CCSER1: variants seen among roughly 807,000 people sequenced by gnomAD.
The protein encoded by CCSER1 is coiled-coil serine rich protein 1, also known as serine-rich coiled-coil domain-containing protein 1.
A neutral mutation model predicts 82.0 loss-of-function variants in CCSER1; 41 were observed. The ratio of observed to expected loss-of-function variants is 0.50; its 90% confidence interval spans 0.39 to 0.65. CCSER1 has a LOEUF of 0.65. CCSER1 is among the 30% of genes least tolerant of loss of function. The probability of loss-of-function intolerance (pLI) is 0.00; values close to 1 mark genes in which losing one functional copy is unlikely to be tolerated. For synonymous variants in CCSER1, 414 were observed against 383.9 expected (o/e 1.08, Z -0.92); for missense variants, 1,119 against 1,064.2 (o/e 1.05, Z -0.72).
chr4:91,077,979 G>T (rs980041246), intron 9 of CCSER1, among the ~76,000 whole-genome samples: 33 of 152,224 alleles, frequency 2.2e-4, no homozygotes, highest in Non-Finnish European at 4.3e-4. Flanking sequence ...ACAGCTCAAG[G>T]AGGCCCGCCT....
At chr4:90,212,282 C>CA in intron 1 of CCSER1, among the ~76,000 whole-genome samples, 1 of 152,176 alleles carries the variant, frequency 6.6e-6, no homozygotes. Context: ...ACCCAATATA[C>CA]AAATTGGTTT....
At chr4:90,641,690 C>A (rs930574901) in intron 6 of CCSER1, among the ~76,000 whole-genome samples, 1 of 152,078 alleles carries the variant, frequency 6.6e-6, no homozygotes, top group Admixed American at 6.6e-5. Flanking sequence ...GCAAGTGGAG[C>A]AGGATCAAGG....
intron 9 of CCSER1, among the ~76,000 whole-genome samples, chr4:91,065,222 A>G (rs1720682397): frequency 6.6e-6 from 1 of 152,296 alleles, no homozygotes; most frequent in African/African-American, 2.4e-5. Context: ...AAGAAGTGGC[A>G]TTTGAGATCC....
At chr4:91,587,953 T>A (rs955009747) in intron 10 of CCSER1, among the ~76,000 whole-genome samples, 2 of 151,154 alleles carry the variant, frequency 1.3e-5, no homozygotes, top group South Asian at 2.1e-4. Flanking sequence ...AAAATAAAAA[T>A]ATTTATATTT....
intron 1 of CCSER1, among the ~76,000 whole-genome samples, chr4:90,260,952 G>C (rs537947172): frequency 6.6e-6 from 1 of 152,134 alleles, no homozygotes; most frequent in East Asian, 1.9e-4. Flanking sequence ...CTGACCTCAA[G>C]TGATCTGCTT....
intron 4 of CCSER1, among the ~76,000 whole-genome samples, chr4:90,425,233 T>C (rs1757361225): frequency 6.6e-6 from 1 of 152,214 alleles, no homozygotes; most frequent in Admixed American, 6.5e-5. Context: ...AGTATTTATT[T>C]CATTTTAGAT....
intron 6 of CCSER1, among the ~76,000 whole-genome samples, chr4:90,703,801 C>CT (rs1738695855): frequency 6.6e-6 from 1 of 152,024 alleles, no homozygotes; most frequent in Non-Finnish European, 1.5e-5. Flanking sequence ...GCAACCCCCA[C>CT]TTTTTTTTGT....
intron 10 of CCSER1, among the ~76,000 whole-genome samples, chr4:91,530,573 G>A (rs957880889): frequency 6.6e-6 from 1 of 151,360 alleles, no homozygotes; most frequent in Non-Finnish European, 1.5e-5. Flanking sequence ...CAAGCTGATT[G>A]TTAAACATTG....
At chr4:90,637,540 A>G (rs1478752763) in intron 6 of CCSER1, among the ~76,000 whole-genome samples, 1 of 152,086 alleles carries the variant, frequency 6.6e-6, no homozygotes, top group African/African-American at 2.4e-5. Context: ...TATTCCTCTC[A>G]TATGCAAAGT....
At chr4:90,155,232 CTTGATCATGGTGGATAAGCTTT>C in intron 1 of CCSER1, among the ~76,000 whole-genome samples, 1 of 152,270 alleles carries the variant, frequency 6.6e-6, no homozygotes, top group East Asian at 1.9e-4. Flanking sequence ...GATGAACCCA[CTTGATCATGGTGGATAAGCTTT>C]TTGATGTGCT....
At chr4:91,482,023 CTCA>C (rs1757943289) in intron 10 of CCSER1, among the ~76,000 whole-genome samples, 1 of 152,126 alleles carries the variant, frequency 6.6e-6, no homozygotes, top group African/African-American at 2.4e-5. Flanking sequence ...TGAAAAAATG[CTCA>C]TCATCACTGG....
chr4:90,426,450 T>A (rs571554796), intron 4 of CCSER1, among the ~76,000 whole-genome samples: 20 of 152,216 alleles, frequency 1.3e-4, no homozygotes, highest in African/African-American at 3.9e-4. Context: ...ACTTGAACTA[T>A]AGTTTAATAA....
intron 9 of CCSER1, among the ~76,000 whole-genome samples, chr4:91,031,054 C>T (rs1051538022): frequency 4.6e-5 from 7 of 152,094 alleles, no homozygotes; most frequent in Non-Finnish European, 8.8e-5. Flanking sequence ...GAAGCAAAAG[C>T]ATATTTCTAT....
intron 1 of CCSER1, among the ~76,000 whole-genome samples, chr4:90,173,233 A>C (rs1190646737): frequency 6.6e-6 from 1 of 151,798 alleles, no homozygotes; most frequent in East Asian, 1.9e-4. Context: ...GTGCTACCAA[A>C]AGTGAGTTTC....
At chr4:91,070,797 T>C (rs1721350157) in intron 9 of CCSER1, among the ~76,000 whole-genome samples, 1 of 152,088 alleles carries the variant, frequency 6.6e-6, no homozygotes, top group African/African-American at 2.4e-5. Context: ...CCAAAAAGGT[T>C]GGGAACCGCC....
intron 5 of CCSER1, among the ~76,000 whole-genome samples, chr4:90,544,410 A>G (rs1034630209): frequency 9.2e-5 from 14 of 152,146 alleles, no homozygotes; most frequent in African/African-American, 3.4e-4. Context: ...GAAGAGATGC[A>G]TGTGGCAGAG....
At chr4:91,191,591 A>G (rs1351858739) in intron 10 of CCSER1, among the ~76,000 whole-genome samples, 1 of 152,204 alleles carries the variant, frequency 6.6e-6, no homozygotes, top group East Asian at 1.9e-4. Context: ...CACATGACCC[A>G]GTCTCCATCA....
At position 90,461,202 on chromosome 4, in the gene CCSER1, A is replaced by T. The variant is rs1027601578; in HGVS notation, c.1604-7032A>T. Reference sequence around the variant, plus strand: ...TGCCTCAGCCTCCCAAGTAGCTGGGACTACAGGCGCCCGCCACTACGCCCG... The same window carrying T: ...TGCCTCAGCCTCCCAAGTAGCTGGGTCTACAGGCGCCCGCCACTACGCCCG... On this transcript the variant is annotated intron_variant, in intron 4 of 10. Coordinates refer to ENST00000509176, the MANE Select transcript of CCSER1 (RefSeq NM_001145065.2). Among the ~76,000 whole-genome samples the T allele has an allele frequency of 1.5e-4, 21 of 136,444 alleles. 1 individual carries two copies. The highest frequency in any genetic ancestry group is 2.6e-4 in the Non-Finnish European group (17 of 64,832). 89.5% of individuals were successfully genotyped at this position (136,444 alleles called of 152,430 possible).
intron 10 of CCSER1, among the ~76,000 whole-genome samples, chr4:91,227,226 T>C (rs998988084): frequency 1.3e-5 from 2 of 151,858 alleles, no homozygotes; most frequent in African/African-American, 4.8e-5. Context: ...AGTTCATAAA[T>C]ATTCTTATAC....
Sources: allele counts gnomAD v4.1 joint callset (sites outside exome capture counted in the v4.1 genomes callset), GRCh38; gene constraint gnomAD v4.1.1; transcripts MANE v1.5; gene names NCBI Gene and HGNC (gene_info 2026-07-23, HGNC 2026-07-21).